Variants in SORCS1 observed in about 807,000 individuals in gnomAD.
The protein encoded by SORCS1 is VPS10 domain-containing receptor SorCS1.
SORCS1 carries 60 observed loss-of-function variants against 146.1 expected under a neutral mutation model. The ratio of observed to expected loss-of-function variants is 0.41; its 90% CI spans 0.33 to 0.51. The LOEUF is 0.51. SORCS1 is among the 20% of genes least tolerant of loss of function. SORCS1 has a pLI of 0.21. For missense variants in SORCS1, 1,352 were observed against 1,487.6 expected, an observed-to-expected ratio of 0.91 and a Z score of 1.50; for synonymous variants, 637 against 584.0, an observed-to-expected ratio of 1.09 and a Z score of -1.31.
chr10:107,106,107 G>T (rs1217533976), intron 1 of SORCS1, among the ~76,000 whole-genome samples: 1 of 152,156 alleles, frequency 6.6e-6, no homozygotes. Flanking sequence ...GGTGGGTGAA[G>T]AAAATGAGAA....
At chr10:107,119,974 T>C (rs914014236) in intron 1 of SORCS1, among the ~76,000 whole-genome samples, 3 of 152,098 alleles carry the variant, frequency 2.0e-5, no homozygotes, top group Non-Finnish European at 4.4e-5. Context: ...TTAGAAAAGC[T>C]TTCCATGGTT....
chr10:107,160,648 T>C (rs536917964), intron 1 of SORCS1, among the ~76,000 whole-genome samples: 30 of 152,214 alleles, frequency 2.0e-4, no homozygotes, highest in Non-Finnish European at 4.1e-4. Flanking sequence ...TTAACAAATC[T>C]TGTAATACAA....
At chr10:106,842,988 G>T (rs1375351490) in intron 2 of SORCS1, among the ~76,000 whole-genome samples, 1 of 152,160 alleles carries the variant, frequency 6.6e-6, no homozygotes, top group Non-Finnish European at 1.5e-5. Flanking sequence ...ATTGACAAAT[G>T]TAATTGTATT....
chr10:107,172,950 T>C, the SORCS1 span, among the ~76,000 whole-genome samples: 6 of 152,234 alleles, frequency 3.9e-5, no homozygotes, highest in African/African-American at 1.4e-4. Context: ...TTGAAAATTA[T>C]ATTAAAATTT....
At chr10:106,993,065 C>T (rs1020024877) in intron 1 of SORCS1, among the ~76,000 whole-genome samples, 1 of 151,752 alleles carries the variant, frequency 6.6e-6, no homozygotes, top group Non-Finnish European at 1.5e-5. Flanking sequence ...CTCCTGACCT[C>T]GTGATCTGCC....
At chr10:107,135,610 A>G (rs1211245679) in intron 1 of SORCS1, among the ~76,000 whole-genome samples, 1 of 152,218 alleles carries the variant, frequency 6.6e-6, no homozygotes, top group African/African-American at 2.4e-5. Context: ...TATAGAATAT[A>G]CATTGGAAGT....
At chr10:106,792,677 A>T (rs1474411391) in intron 3 of SORCS1, among the ~76,000 whole-genome samples, 1 of 152,266 alleles carries the variant, frequency 6.6e-6, no homozygotes, top group Non-Finnish European at 1.5e-5. Flanking sequence ...TAGAGTAACT[A>T]ACCAACATTT....
intron 22 of SORCS1, among the ~76,000 whole-genome samples, 184 bp downstream of exon 22, chr10:106,611,727 C>A (rs1847003082): frequency 6.6e-6 from 1 of 152,204 alleles, no homozygotes; most frequent in Non-Finnish European, 1.5e-5. Context: ...CCTTTAGGGC[C>A]TTTGAGGTCT....
At chr10:106,792,725 A>G (rs1946375401) in intron 3 of SORCS1, among the ~76,000 whole-genome samples, 1 of 152,248 alleles carries the variant, frequency 6.6e-6, no homozygotes, top group Admixed American at 6.5e-5. Flanking sequence ...ATGTGAAATA[A>G]ATAGAAATTC....
chr10:106,790,386 C>T lies in SORCS1; in HGVS notation c.727-13694G>A, dbSNP rs76045704. ...GGTGCTGCAGCCAATGAGCTGGGAA[C>T]TCAGTCTCAAATCCATCTCCCTGAC... On this transcript the variant is annotated intron_variant, in intron 3 of 25. Transcript: ENST00000263054. Among the ~76,000 whole-genome samples the T allele has an allele frequency of 3.6e-3, 548 of 152,310 alleles. 1 individual carries two copies. The highest frequency in any genetic ancestry group is 0.012 in the African/African-American group (509 of 41,552).
In SORCS1 at chr10:106,620,744, T is replaced by A. The variant is rs559896912; in HGVS notation, c.2663-183A>T. Among the ~76,000 whole-genome samples the A allele has an allele frequency of 2.0e-3, 311 of 152,330 alleles. 1 individual carries two copies. Among genetic ancestry groups the A allele is most frequent in the African/African-American group, 7.4e-3 (309 of 41,576 alleles). ...AAAGAATACATTGAGCACAATTGCA[T>A]CTTGACATTTTGCACTTACCAATCT... On this transcript the variant is annotated intron_variant, in intron 19 of 25. Transcript: ENST00000263054.
At chr10:106,969,234 G>A (rs1482199276) in intron 1 of SORCS1, among the ~76,000 whole-genome samples, 2 of 152,188 alleles carry the variant, frequency 1.3e-5, no homozygotes, top group Non-Finnish European at 2.9e-5. Flanking sequence ...GGCATGGCTA[G>A]TGGGTGGGTA....
At chr10:107,096,071 A>G (rs1490486699) in intron 1 of SORCS1, among the ~76,000 whole-genome samples, 1 of 152,178 alleles carries the variant, frequency 6.6e-6, no homozygotes, top group East Asian at 1.9e-4. Flanking sequence ...AACCATATCC[A>G]TTATAAGATT....
Position 106,844,622 on chromosome 10 carries a change from G to A in SORCS1, c.627-14949C>T, listed in dbSNP as rs572370485. Among the ~76,000 whole-genome samples, 216 of 147,722 alleles carry A rather than the reference G, an allele frequency of 1.5e-3. 2 individuals carry two copies. Among genetic ancestry groups the A allele is most frequent in the African/African-American group, 5.1e-3 (203 of 39,872 alleles). Reference sequence around the variant, plus strand: ...ATACTTTAAGTTTTAGGGTACATGTGCACATTGTGCAGGTTAGTTACATAT... The same window carrying A: ...ATACTTTAAGTTTTAGGGTACATGTACACATTGTGCAGGTTAGTTACATAT... On this transcript the variant is annotated intron_variant, in intron 2 of 25. Transcript: ENST00000263054.
At chr10:106,989,124 G>T (rs1288017870) in intron 1 of SORCS1, among the ~76,000 whole-genome samples, 1 of 149,844 alleles carries the variant, frequency 6.7e-6, no homozygotes, top group Admixed American at 6.7e-5. Flanking sequence ...AAAAAAATTA[G>T]CTGGTCGTGG....
chr10:106,714,026 G>C (rs12762804), intron 6 of SORCS1, among the ~76,000 whole-genome samples: 1 of 149,838 alleles, frequency 6.7e-6, no homozygotes, highest in Non-Finnish European at 1.5e-5. Context: ...CAGCTACTTG[G>C]CTGGGAGTCT....
intron 18 of SORCS1, among the ~76,000 whole-genome samples, chr10:106,637,361 C>T (rs1187266862): frequency 6.6e-6 from 1 of 152,190 alleles, no homozygotes; most frequent in Non-Finnish European, 1.5e-5. Context: ...TTGAATCATG[C>T]TGTATAGGTG....
Position 106,613,432 on chromosome 10 carries a change from C to T in SORCS1, c.2921-1409G>A, listed in dbSNP as rs138948687. 1.0e-3 allele frequency among the ~76,000 whole-genome samples: 152 copies of T among 152,268 alleles called. 3 individuals are homozygous for T. The highest frequency in any genetic ancestry group is 3.6e-3 in the African/African-American group (149 of 41,546). On this transcript the variant is annotated intron_variant, in intron 21 of 25. Transcript: ENST00000263054. ...TAAGCCTGTTCAGGAGTCTTGGAGC[C>T]AAAGTCGCTGGCAGAGGAGTCCCCT... is the stretch of plus-strand genomic sequence containing the variant.
chr10:107,104,929 G>A (rs1473945064), intron 1 of SORCS1, among the ~76,000 whole-genome samples: 1 of 152,216 alleles, frequency 6.6e-6, no homozygotes, highest in Admixed American at 6.5e-5. Flanking sequence ...AACTGAACTA[G>A]AGGAGCCAAG....
Sources: allele counts gnomAD v4.1 joint callset (sites outside exome capture counted in the v4.1 genomes callset), GRCh38; gene constraint gnomAD v4.1.1; transcripts MANE v1.5; gene names NCBI Gene and HGNC (gene_info 2026-07-23, HGNC 2026-07-21).